ZFAT: variants seen among roughly 807,000 people sequenced by gnomAD.
ZFAT encodes the protein zinc finger and AT-hook domain containing.
A neutral mutation model predicts 117.7 loss-of-function variants in ZFAT; 64 were observed. The observed-to-expected ratio is 0.54, with a 90% CI of 0.44 to 0.67. The LOEUF (loss-of-function observed/expected upper bound fraction) is 0.67. Ranked by LOEUF, ZFAT falls within the 30% of genes least tolerant of loss-of-function variation. ZFAT has a pLI of 0.00. For missense variants in ZFAT, 1,433 were observed against 1,584.5 expected (o/e 0.90, Z 1.62); for synonymous variants, 679 against 615.0 (o/e 1.10, Z -1.54).
chr8:134,480,147 A>G (rs1817194378), intron 15 of ZFAT, among the ~76,000 whole-genome samples: 2 of 152,092 alleles, frequency 1.3e-5, no homozygotes, highest in African/African-American at 4.8e-5. Context: ...TTTTTGGTAG[A>G]GACAGGGTTT....
chr8:134,620,884 G>A (rs932969497), intron 3 of ZFAT, among the ~76,000 whole-genome samples: 2 of 152,120 alleles, frequency 1.3e-5, no homozygotes, highest in African/African-American at 4.8e-5. Flanking sequence ...GGAGCCCCAG[G>A]GGTTTCTGGG....
At chr8:134,712,688 T>C (rs1333335132) in intron 1 of ZFAT, among the ~76,000 whole-genome samples, 157 bp downstream of exon 1, 1 of 144,900 alleles carries the variant, frequency 6.9e-6, no homozygotes, top group East Asian at 2.1e-4. Flanking sequence ...CGCAACTACG[T>C]TCGCTCTCCT....
chr8:134,580,373 A>G (rs1586746628), intron 10 of ZFAT, among the ~76,000 whole-genome samples: 1 of 152,212 alleles, frequency 6.6e-6, no homozygotes, highest in Non-Finnish European at 1.5e-5. Context: ...CTAAGTAAAA[A>G]GCTAATTCTA....
chr8:134,684,861 G>A (rs749934430), intron 1 of ZFAT, among the ~76,000 whole-genome samples: 6 of 152,140 alleles, frequency 3.9e-5, no homozygotes, highest in Non-Finnish European at 7.3e-5. Flanking sequence ...GGCTGGGTGC[G>A]AGGAGTGCCC....
At chr8:134,638,472 G>A (rs984277023) in intron 2 of ZFAT, among the ~76,000 whole-genome samples, 8 of 151,436 alleles carry the variant, frequency 5.3e-5, no homozygotes, top group African/African-American at 7.3e-5. Context: ...TTGGGAGGCC[G>A]AGGTGGGCGG....
intron 3 of ZFAT, among the ~76,000 whole-genome samples, chr8:134,623,547 C>T (rs76540043): frequency 0.011 from 1,603 of 152,320 alleles, 11 homozygotes; most frequent in Non-Finnish European, 0.015. Context: ...CCACCATTCA[C>T]CCTGGTCCCC....
intron 10 of ZFAT, among the ~76,000 whole-genome samples, chr8:134,571,290 G>C (rs779722380): frequency 6.6e-6 from 1 of 152,250 alleles, no homozygotes; most frequent in Non-Finnish European, 1.5e-5. Flanking sequence ...GAAGGCCTCT[G>C]TGAGGAAGTG....
the ZFAT span, among the ~76,000 whole-genome samples, chr8:134,789,561 C>T: frequency 7.2e-5 from 11 of 152,252 alleles, no homozygotes; most frequent in South Asian, 2.1e-3. Context: ...TTGTTTCTTG[C>T]CCATTCTTCC....
At chr8:134,657,198 A>G (rs1563735003) in intron 2 of ZFAT, among the ~76,000 whole-genome samples, 1 of 152,162 alleles carries the variant, frequency 6.6e-6, no homozygotes, top group Non-Finnish European at 1.5e-5. Context: ...CATATTTCTC[A>G]TCATTTGTCC....
At chr8:134,737,836 G>A in the ZFAT span, among the ~76,000 whole-genome samples, 1 of 152,172 alleles carries the variant, frequency 6.6e-6, no homozygotes, top group African/African-American at 2.4e-5. Context: ...CCAAGTCATT[G>A]TCTATGAGAT....
At position 134,663,779 on chromosome 8, in the gene ZFAT, G is replaced by A. The variant is rs116530426; in HGVS notation, c.20-6042C>T. On this transcript the variant is annotated intron_variant, in intron 1 of 15. Coordinates refer to ENST00000377838, the MANE Select transcript of ZFAT (RefSeq NM_020863.4). ...TCATAACATCTGTATTTTCTACAAT[G>A]AGTCTAAATAACATTTAAAAATCGG... is the stretch of plus-strand genomic sequence containing the variant. Among the ~76,000 whole-genome samples, 271 of 152,296 alleles carry A rather than the reference G, an allele frequency of 1.8e-3. 2 individuals carry two copies. The highest frequency in any genetic ancestry group is 6.0e-3 in the African/African-American group (250 of 41,544).
Position 134,578,588 on chromosome 8 carries a change from G to C in ZFAT, c.2887+5244C>G, listed in dbSNP as rs139531636. On this transcript the variant is annotated intron_variant, in intron 10 of 15. Transcript: ENST00000377838. ...AGGGTTCTGAACAGAGGAATGGCAC[G>C]ACCTGGCCTTTGTTTCCACAGGATC... Among the ~76,000 whole-genome samples, 1,138 of 152,164 alleles carry C rather than the reference G, an allele frequency of 7.5e-3. 16 individuals carry two copies. Among genetic ancestry groups the C allele is most frequent in the African/African-American group, 0.025 (1,040 of 41,494 alleles).
chr8:134,771,634 A>G, the ZFAT span, among the ~76,000 whole-genome samples: 3 of 152,034 alleles, frequency 2.0e-5, no homozygotes, highest in Non-Finnish European at 4.4e-5. Context: ...ACTTTCCCAC[A>G]TTTTCCTGTC....
chr8:134,743,140 G>A, the ZFAT span, among the ~76,000 whole-genome samples: 3 of 152,226 alleles, frequency 2.0e-5, no homozygotes, highest in East Asian at 3.8e-4. Context: ...GTCTCATCAC[G>A]ATTGACTGCA....
intron 12 of ZFAT, among the ~76,000 whole-genome samples, chr8:134,531,109 C>T (rs975549327): frequency 3.3e-5 from 5 of 152,148 alleles, no homozygotes; most frequent in African/African-American, 1.2e-4. Flanking sequence ...CAGGGAATGC[C>T]GACTGATTAC....
chr8:134,548,586 G>A (rs1822878299), intron 11 of ZFAT, among the ~76,000 whole-genome samples: 1 of 152,138 alleles, frequency 6.6e-6, no homozygotes, highest in Non-Finnish European at 1.5e-5. Flanking sequence ...CTCTACTTCT[G>A]GGTTCTCTGA....
intron 15 of ZFAT, among the ~76,000 whole-genome samples, chr8:134,483,112 G>A (rs1039619196): frequency 1.2e-4 from 19 of 152,174 alleles, no homozygotes; most frequent in Admixed American, 6.5e-5. Context: ...ATCACACTCT[G>A]TTTGCTTTTA....
the ZFAT span, among the ~76,000 whole-genome samples, chr8:134,740,144 A>G: frequency 2.0e-5 from 3 of 152,064 alleles, no homozygotes; most frequent in African/African-American, 4.8e-5. Flanking sequence ...TTCTGTCCCA[A>G]TAAACTCCTA....
intron 15 of ZFAT, among the ~76,000 whole-genome samples, chr8:134,494,390 C>A (rs939755913): frequency 7.2e-5 from 11 of 152,190 alleles, no homozygotes; most frequent in African/African-American, 2.4e-4. Context: ...CTCGATAAAG[C>A]TGCGGGGACA....
Sources: allele counts gnomAD v4.1 joint callset (sites outside exome capture counted in the v4.1 genomes callset), GRCh38; gene constraint gnomAD v4.1.1; transcripts MANE v1.5; gene names NCBI Gene and HGNC (gene_info 2026-07-23, HGNC 2026-07-21).